The following PTPN4 variants were observed in gnomAD, a reference collection of about 807,000 sequenced individuals.
PTPN4 encodes the protein protein tyrosine phosphatase non-receptor type 4.
Under a neutral mutation model 135.5 loss-of-function variants are expected in PTPN4, and 49 were observed. That is an observed-to-expected ratio of 0.36 (90% CI 0.29 to 0.46). PTPN4 has a LOEUF of 0.46. PTPN4 is among the 20% of genes least tolerant of loss of function. The pLI is 1.00. For missense variants in PTPN4, 860 were observed against 1,101.0 expected, an observed-to-expected ratio of 0.78 and a Z score of 3.10; for synonymous variants, 333 against 369.9, an observed-to-expected ratio of 0.90 and a Z score of 1.14.
intron 25 of PTPN4, among the ~76,000 whole-genome samples, chr2:119,966,159 T>C (rs865898433): frequency 3.3e-5 from 5 of 152,184 alleles, no homozygotes; most frequent in Admixed American, 2.0e-4. Context: ...TTTCCCCACA[T>C]GCTAGAAGGG....
chr2:119,879,608 A>C (rs1463820081), intron 5 of PTPN4, among the ~76,000 whole-genome samples: 1 of 152,252 alleles, frequency 6.6e-6, no homozygotes, highest in African/African-American at 2.4e-5. Context: ...GGACCTGAGC[A>C]TAGGCATGCA....
At chr2:119,948,552 T>C (rs567857908) in intron 18 of PTPN4, among the ~76,000 whole-genome samples, 42 of 152,266 alleles carry the variant, frequency 2.8e-4, no homozygotes, top group African/African-American at 1.0e-3. Flanking sequence ...CACAGGGATA[T>C]TAATTATATG....
At chr2:119,930,156 A>G (rs1425224986) in intron 13 of PTPN4, among the ~76,000 whole-genome samples, 3 of 152,152 alleles carry the variant, frequency 2.0e-5, no homozygotes, top group Non-Finnish European at 4.4e-5. Flanking sequence ...AAAAAATCCT[A>G]TAATTTAAAC....
intron 2 of PTPN4, among the ~76,000 whole-genome samples, chr2:119,833,904 CT>C (rs981849559): frequency 3.3e-5 from 5 of 152,200 alleles, no homozygotes; most frequent in African/African-American, 1.2e-4. Flanking sequence ...TGGGCTTTCA[CT>C]GGGAAAGACT....
chr2:119,784,787 C>T (rs1251063301), intron 1 of PTPN4, among the ~76,000 whole-genome samples: 3 of 150,790 alleles, frequency 2.0e-5, no homozygotes, highest in African/African-American at 4.9e-5. Context: ...GTCTGCCCGC[C>T]TCAGCCTACC....
intron 15 of PTPN4, among the ~76,000 whole-genome samples, chr2:119,943,303 C>A (rs1485015692): frequency 6.6e-6 from 1 of 152,174 alleles, no homozygotes; most frequent in Non-Finnish European, 1.5e-5. Flanking sequence ...ACCTCCTCTA[C>A]AAGGGAGAAC....
At chr2:119,886,708 A>G (rs896727754) in intron 9 of PTPN4, among the ~76,000 whole-genome samples, 9 of 152,242 alleles carry the variant, frequency 5.9e-5, no homozygotes, top group Non-Finnish European at 8.8e-5. Flanking sequence ...AATCATGTTA[A>G]TACTCAGACA....
intron 26 of PTPN4, among the ~76,000 whole-genome samples, chr2:119,975,983 TTTTA>T (rs1679609935): frequency 9.5e-5 from 13 of 137,092 alleles, no homozygotes; most frequent in African/African-American, 2.6e-4. Context: ...TTTATTTTAT[TTTTA>T]TTTATTTATT....
At chr2:119,883,585 T>G (rs1053807544) in intron 8 of PTPN4, among the ~76,000 whole-genome samples, 2 of 152,202 alleles carry the variant, frequency 1.3e-5, no homozygotes, top group Non-Finnish European at 2.9e-5. Flanking sequence ...AGGGAAAAAC[T>G]AAGGCAGTGT....
chr2:119,876,939 G>GTGTGTT (rs1230561427), intron 3 of PTPN4, among the ~76,000 whole-genome samples: 1 of 148,834 alleles, frequency 6.7e-6, no homozygotes, highest in Non-Finnish European at 1.5e-5. Flanking sequence ...GTGTGTGTGT[G>GTGTGTT]TGCGTGAAGG....
In PTPN4 at chr2:119,955,223, C is replaced by G; in HGVS notation, c.1880C>G (p.Ala627Gly). Residue 627 changes from alanine to glycine, a missense_variant, in exon 20 of 27, where the codon GCC becomes GGC. Physicochemically the swap from Ala to Gly is moderately conservative, Grantham distance 60 (BLOSUM62 0). Coordinates refer to ENST00000263708, the MANE Select transcript of PTPN4 (RefSeq NM_002830.4). Reference protein sequence around the residue: ...EPDFQYIPEKAPLDSVHQDDH... With the variant: ...EPDFQYIPEKGPLDSVHQDDH... ...GATTTCCAGTATATTCCTGAGAAAG[C>G]CCCACTAGATAGTGTGCATCAGGAT... is the stretch of plus-strand genomic sequence containing the variant. 1.2e-6 allele frequency: 2 copies of G among 1,613,260 alleles called. No homozygotes were observed. Among genetic ancestry groups the G allele is most frequent in the Non-Finnish European group, 8.5e-7 (1 of 1,179,626 alleles).
At chr2:119,858,135 A>G (rs957363824) in intron 2 of PTPN4, among the ~76,000 whole-genome samples, 7 of 152,332 alleles carry the variant, frequency 4.6e-5, no homozygotes, top group African/African-American at 1.7e-4. Flanking sequence ...AGCTGAACAG[A>G]TATCTGTGCT....
intron 1 of PTPN4, among the ~76,000 whole-genome samples, chr2:119,807,240 A>C (rs1351044918): frequency 6.6e-6 from 1 of 152,198 alleles, no homozygotes; most frequent in African/African-American, 2.4e-5. Context: ...AGCAGAACTG[A>C]AGGAGATAGA....
At chr2:119,868,495 C>T (rs1471910085) in intron 3 of PTPN4, among the ~76,000 whole-genome samples, 1 of 152,122 alleles carries the variant, frequency 6.6e-6, no homozygotes, top group Non-Finnish European at 1.5e-5. Context: ...AAACTGGCTC[C>T]AAAACTGGCC....
intron 1 of PTPN4, among the ~76,000 whole-genome samples, chr2:119,765,933 T>TGTGCGTGTGC (rs1553430617): frequency 3.3e-5 from 5 of 151,036 alleles, no homozygotes; most frequent in African/African-American, 4.9e-5. Flanking sequence ...TGTGTGTGTG[T>TGTGCGTGTGC]GCGCGCGCGC....
At chr2:119,823,864 A>G (rs920750775) in intron 2 of PTPN4, among the ~76,000 whole-genome samples, 25 of 152,300 alleles carry the variant, frequency 1.6e-4, no homozygotes, top group Admixed American at 9.2e-4. Flanking sequence ...AGCTTCTGCT[A>G]TTGTTTTATG....
intron 2 of PTPN4, among the ~76,000 whole-genome samples, chr2:119,826,904 C>G (rs1443580825): frequency 6.6e-6 from 1 of 152,046 alleles, no homozygotes; most frequent in African/African-American, 2.4e-5. Flanking sequence ...TGGCATGCAC[C>G]TGTAGTCCTA....
At chr2:119,843,514 CAG>C (rs1290347433) in intron 2 of PTPN4, among the ~76,000 whole-genome samples, 1 of 123,478 alleles carries the variant, frequency 8.1e-6, no homozygotes, top group Non-Finnish European at 1.7e-5. Context: ...GCACACCTCC[CAG>C]ACGGGGTGGT....
At chr2:119,766,454 GTGTGTGTGTGTGTGTGTGTGTGTGTGTGT>G (rs1558718897) in intron 1 of PTPN4, among the ~76,000 whole-genome samples, 46 of 69,324 alleles carry the variant, frequency 6.6e-4, no homozygotes, top group African/African-American at 1.8e-3. Flanking sequence ...GCGCGCGTGT[GTGTGTGTGTGTGTGTGTGTGTGTGTGTGT>G]CTGTGTGTGT....
Sources: gnomAD v4.1 joint callset for allele counts (sites outside exome capture counted in the v4.1 genomes callset) on GRCh38, gnomAD v4.1.1 for gene constraint, MANE v1.5 for transcripts, NCBI Gene and HGNC (gene_info 2026-07-23, HGNC 2026-07-21) for gene names.